RBFOX1: variants seen among roughly 807,000 people sequenced by gnomAD.
RBFOX1 encodes RNA binding protein fox-1 homolog 1.
A neutral mutation model predicts 57.7 loss-of-function variants in RBFOX1; 8 were observed. The observed-to-expected ratio is 0.14, with a 90% confidence interval of 0.08 to 0.25. The LOEUF (loss-of-function observed/expected upper bound fraction) is 0.25, where lower values mean the gene tolerates loss of function less well. RBFOX1 is among the 10% of genes least tolerant of loss of function. RBFOX1 has a pLI of 1.00. For synonymous variants in RBFOX1, 326 were observed against 222.4 expected (o/e 1.47, Z -4.15); for missense variants, 611 against 548.5 (o/e 1.11, Z -1.14).
At chr16:7,083,773 C>G (rs2059560629) in intron 4 of RBFOX1, among the ~76,000 whole-genome samples, 1 of 152,134 alleles carries the variant, frequency 6.6e-6, no homozygotes, top group Admixed American at 6.5e-5. Flanking sequence ...AGGCACCGTG[C>G]ATGGGTCAGT....
intron 1 of RBFOX1, among the ~76,000 whole-genome samples, chr16:5,287,499 G>A (rs749765651): frequency 1.6e-4 from 24 of 152,314 alleles, no homozygotes; most frequent in Non-Finnish European, 2.8e-4. Context: ...CCTTGTATCC[G>A]TTAGTTGTTG....
At chr16:6,245,967 C>G (rs1321011490) in intron 1 of RBFOX1, among the ~76,000 whole-genome samples, 1 of 152,154 alleles carries the variant, frequency 6.6e-6, no homozygotes, top group Non-Finnish European at 1.5e-5. Context: ...ATGCAGTTTA[C>G]TTTTCCCTCT....
At chr16:6,990,689 C>G (rs2091279399) in intron 3 of RBFOX1, among the ~76,000 whole-genome samples, 3 of 152,082 alleles carry the variant, frequency 2.0e-5, no homozygotes, top group South Asian at 4.1e-4. Context: ...CAGTTTTGCA[C>G]CGACCTAATA....
At chr16:5,998,479 C>G (rs1332229709) in intron 4 of RBFOX1, among the ~76,000 whole-genome samples, 1 of 152,188 alleles carries the variant, frequency 6.6e-6, no homozygotes, top group African/African-American at 2.4e-5. Context: ...CTAGAAGAGG[C>G]TTCGGACATT....
chr16:5,513,063 G>A (rs2043662474), intron 2 of RBFOX1, among the ~76,000 whole-genome samples: 1 of 152,136 alleles, frequency 6.6e-6, no homozygotes, highest in African/African-American at 2.4e-5. Flanking sequence ...AGGCAGGCGT[G>A]CACTACCATG....
intron 1 of RBFOX1, among the ~76,000 whole-genome samples, chr16:5,268,913 C>G (rs2062930736): frequency 7.3e-6 from 1 of 137,492 alleles, no homozygotes; most frequent in African/African-American, 2.5e-5. Flanking sequence ...TTGTTATTTT[C>G]TCTATTTTTT....
At chr16:5,935,226 A>G (rs182597561) in intron 4 of RBFOX1, among the ~76,000 whole-genome samples, 2 of 152,330 alleles carry the variant, frequency 1.3e-5, no homozygotes, top group Admixed American at 1.3e-4. Context: ...TTTGAGCTAT[A>G]GTGAGGTTAA....
Position 5,847,958 on chromosome 16 carries a change from T to C in RBFOX1, c.319-19345T>C, listed in dbSNP as rs530470348. On this transcript the variant is annotated intron_variant, in intron 3 of 19. Transcript: ENST00000641259. ...AGGCATTGTCTGGTCTTTGAGGAGC[T>C]CTAGTGCCATGGCTCTGACATCATC... is the stretch of plus-strand genomic sequence containing the variant. Among the ~76,000 whole-genome samples the C allele has an allele frequency of 1.3e-3, 204 of 152,282 alleles. 2 individuals are homozygous for C. Among genetic ancestry groups the C allele is most frequent in the African/African-American group, 4.8e-3 (199 of 41,552 alleles).
At chr16:7,414,320 T>C (rs1197609243) in intron 4 of RBFOX1, among the ~76,000 whole-genome samples, 2 of 152,134 alleles carry the variant, frequency 1.3e-5, no homozygotes, top group African/African-American at 2.4e-5. Flanking sequence ...TTATGGGAAG[T>C]GGTACAAAGT....
intron 4 of RBFOX1, among the ~76,000 whole-genome samples, chr16:5,972,666 G>A (rs910460530): frequency 1.3e-5 from 2 of 152,212 alleles, no homozygotes; most frequent in African/African-American, 2.4e-5. Flanking sequence ...AACATGTCCT[G>A]TTCATTATTT....
intron 3 of RBFOX1, among the ~76,000 whole-genome samples, chr16:6,950,580 C>T (rs2080514701): frequency 6.6e-6 from 1 of 152,096 alleles, no homozygotes; most frequent in African/African-American, 2.4e-5. Context: ...GACTTATTTC[C>T]ATAGCATTAA....
At chr16:6,004,629 C>G (rs916628782) in intron 4 of RBFOX1, among the ~76,000 whole-genome samples, 2 of 152,164 alleles carry the variant, frequency 1.3e-5, no homozygotes, top group African/African-American at 4.8e-5. Context: ...ATAATGGAAG[C>G]CTTTCATTTT....
intron 4 of RBFOX1, among the ~76,000 whole-genome samples, chr16:7,132,296 C>T (rs1387679206): frequency 6.6e-6 from 1 of 152,020 alleles, no homozygotes; most frequent in Non-Finnish European, 1.5e-5. Flanking sequence ...CCAAGTTCAT[C>T]ATTGCAATGT....
chr16:6,637,788 G>T (rs1208806206), intron 2 of RBFOX1, among the ~76,000 whole-genome samples: 1 of 151,818 alleles, frequency 6.6e-6, no homozygotes, highest in Non-Finnish European at 1.5e-5. Context: ...TATTTAGCAG[G>T]AGGGCAGGAT....
chr16:7,150,459 A>G (rs1478613405), intron 4 of RBFOX1, among the ~76,000 whole-genome samples: 1 of 152,218 alleles, frequency 6.6e-6, no homozygotes, highest in Non-Finnish European at 1.5e-5. Context: ...AATGTCAGCC[A>G]CAACTTCCAC....
chr16:7,040,012 T>C (rs530819594), intron 3 of RBFOX1, among the ~76,000 whole-genome samples: 1 of 150,888 alleles, frequency 6.6e-6, no homozygotes, highest in African/African-American at 2.4e-5. Flanking sequence ...TTTATTATTA[T>C]TATTATTATC....
intron 4 of RBFOX1, among the ~76,000 whole-genome samples, chr16:7,207,675 C>T (rs768416743): frequency 6.6e-6 from 1 of 152,146 alleles, no homozygotes; most frequent in Non-Finnish European, 1.5e-5. Context: ...AATGTTTTAT[C>T]TTTGTTTAAA....
At chr16:6,390,600 A>G (rs115054551) in intron 2 of RBFOX1, among the ~76,000 whole-genome samples, 5,540 of 152,276 alleles carry the variant, frequency 0.036, 362 homozygotes, top group African/African-American at 0.13. Flanking sequence ...TATGATTTAA[A>G]TTAAATAAAA....
At chr16:7,131,123 T>G (rs1188841423) in intron 4 of RBFOX1, among the ~76,000 whole-genome samples, 2 of 152,024 alleles carry the variant, frequency 1.3e-5, no homozygotes, top group Non-Finnish European at 2.9e-5. Context: ...GGCGGGCAGA[T>G]CACATGAGGC....
Sources: gnomAD v4.1 joint callset for allele counts (sites outside exome capture counted in the v4.1 genomes callset) on GRCh38, gnomAD v4.1.1 for gene constraint, MANE v1.5 for transcripts, NCBI Gene and HGNC (gene_info 2026-07-23, HGNC 2026-07-21) for gene names.